Variants in MAP3K5 observed in about 807,000 individuals in gnomAD.
The protein encoded by MAP3K5 is ASK-1.
In MAP3K5, 56 loss-of-function variants were observed where a neutral mutation model predicts 158.7. The observed-to-expected ratio is 0.35, with a 90% CI of 0.28 to 0.44. The LOEUF (loss-of-function observed/expected upper bound fraction) is 0.44. Ranked by LOEUF, MAP3K5 falls within the 20% of genes least tolerant of loss-of-function variation. MAP3K5 has a pLI of 1.00. For synonymous variants in MAP3K5, 579 were observed against 601.7 expected, an observed-to-expected ratio of 0.96 and a Z score of 0.55; for missense variants, 1,294 against 1,674.8, an observed-to-expected ratio of 0.77 and a Z score of 3.97.
chr6:136,664,328 G>A (rs1779135254), intron 8 of MAP3K5, among the ~76,000 whole-genome samples: 1 of 151,908 alleles, frequency 6.6e-6, no homozygotes, highest in Non-Finnish European at 1.5e-5. Context: ...CAAGCTCAGG[G>A]CTCCCACTGA....
At chr6:136,687,616 T>C (rs1301928776) in intron 7 of MAP3K5, among the ~76,000 whole-genome samples, 1 of 152,096 alleles carries the variant, frequency 6.6e-6, no homozygotes, top group Non-Finnish European at 1.5e-5. Flanking sequence ...GTGAAAGATA[T>C]GAACAGACAC....
At chr6:136,677,731 G>T (rs1005562541) in intron 7 of MAP3K5, among the ~76,000 whole-genome samples, 4 of 152,188 alleles carry the variant, frequency 2.6e-5, no homozygotes, top group African/African-American at 9.7e-5. Context: ...AACCAAGTCT[G>T]GTGTCAAGGG....
chr6:136,721,691 A>G (rs1781752721), intron 1 of MAP3K5, among the ~76,000 whole-genome samples: 1 of 152,206 alleles, frequency 6.6e-6, no homozygotes, highest in Non-Finnish European at 1.5e-5. Context: ...CTCCAAGTAC[A>G]TTAATTAAAA....
chr6:136,674,718 A>G lies in MAP3K5; in HGVS notation c.1254-5323T>C, dbSNP rs180927550. 2.1e-3 allele frequency among the ~76,000 whole-genome samples: 325 copies of G among 152,120 alleles called. 7 individuals are homozygous for G. The East Asian group carries it at 0.03, about 14-fold the overall frequency. On this transcript the variant is annotated intron_variant, in intron 7 of 29. Transcript: ENST00000359015. ...GCAAGTATATTCATTTTAAAAAGGC[A>G]CACTGTAAATACAAGTTGAGTAACC...
intron 1 of MAP3K5, among the ~76,000 whole-genome samples, chr6:136,771,125 C>G (rs571228653): frequency 2.8e-4 from 43 of 152,270 alleles, no homozygotes; most frequent in Admixed American, 3.9e-4. Context: ...GCTTAACCTA[C>G]AGCTCTGAGG....
rs992964125 is a variant in MAP3K5, at chr6:136,601,983, A to G, written c.2680-4T>C. 1 of 1,610,460 alleles carries G rather than the reference A, an allele frequency of 6.2e-7. No homozygotes were observed. Among genetic ancestry groups the G allele is most frequent in the Non-Finnish European group, 8.5e-7 (1 of 1,178,454 alleles). ...GGTGGACTTTAAACATTCCCACCTA[A>G]GACATAAATATAAAAAGTGCAATGT... On this transcript the variant is annotated splice_polypyrimidine_tract_variant and splice_region_variant and intron_variant, in intron 19 of 29. Transcript: ENST00000359015.
intron 14 of MAP3K5, among the ~76,000 whole-genome samples, chr6:136,632,877 CAT>C (rs1267951865): frequency 6.6e-6 from 1 of 152,080 alleles, no homozygotes; most frequent in Admixed American, 6.5e-5. Context: ...ATAATAATAA[CAT>C]ATTAAAATAC....
chr6:136,637,458 T>A, intron 13 of MAP3K5, 52 bp from the exon 14 acceptor site: 1 of 1,053,314 alleles, frequency 9.5e-7, no homozygotes, highest in Non-Finnish European at 1.5e-6. Flanking sequence ...ATAGTAAATA[T>A]AAGCAAGTAC....
Position 136,661,076 on chromosome 6 carries a change from T to G in MAP3K5, c.1367-1698A>C, listed in dbSNP as rs1021802776. The stretch of plus-strand genomic sequence containing the variant: ...TCCATATTAGTTGAGTTAAATAAAA[T>G]ATTTTCTATGTGTCTATTTTATATT... On this transcript the variant is annotated intron_variant, in intron 8 of 29. Transcript: ENST00000359015. Among the ~76,000 whole-genome samples the G allele has an allele frequency of 1.1e-4, 17 of 152,192 alleles. 1 individual carries two copies. The highest frequency in any genetic ancestry group is 2.2e-4 in the Non-Finnish European group (15 of 68,038).
rs1001593452 is a variant in MAP3K5, at chr6:136,697,165, C to G, written c.975+54G>C. 6.6e-6 allele frequency: 10 copies of G among 1,513,512 alleles called. No homozygotes were observed. In the East Asian group the frequency reaches 7.0e-5, roughly 11 times the overall value. The allele number at this position is 1,513,512 out of a possible 1,614,324, so 93.8% of individuals were successfully genotyped here. On this transcript the variant is annotated intron_variant, in intron 5 of 29. Coordinates refer to ENST00000359015, the MANE Select transcript of MAP3K5 (RefSeq NM_005923.4). ...AACTGAAATTTGAGGTTAATACTCC[C>G]TTATCCCTCCAACATGCTACACAAC...
At chr6:136,769,745 A>G (rs1376614915) in intron 1 of MAP3K5, among the ~76,000 whole-genome samples, 1 of 14,882 alleles carries the variant, frequency 6.7e-5, no homozygotes, top group Non-Finnish European at 1.2e-4. Context: ...GAAGGGAAGG[A>G]AGGAAGGAAG....
At chr6:136,561,471 C>G in intron 28 of MAP3K5, 62 bp downstream of exon 28, 1 of 1,232,842 alleles carries the variant, frequency 8.1e-7, no homozygotes, top group Non-Finnish European at 1.2e-6. Context: ...TGTCACATAG[C>G]AGGCACCCAA....
chr6:136,704,746 A>G (rs781305296), intron 3 of MAP3K5, among the ~76,000 whole-genome samples: 1 of 152,034 alleles, frequency 6.6e-6, no homozygotes, highest in Non-Finnish European at 1.5e-5. Context: ...GGGTTTCACC[A>G]TGTTGCCCAG....
At chr6:136,726,484 T>C (rs1781971309) in intron 1 of MAP3K5, among the ~76,000 whole-genome samples, 1 of 152,072 alleles carries the variant, frequency 6.6e-6, no homozygotes, top group Non-Finnish European at 1.5e-5. Context: ...TCCCAGCTAC[T>C]TGGGAGGCTG....
rs562056474 is a variant in MAP3K5 at position 136,618,948 on chromosome 6, G to A, written c.2150+3900C>T. ...GAAACAAATGGCTGGCTAAAAAGCC[G>A]GAGTTCCTAGTTCCTTGTAGGTAGG... On this transcript the variant is annotated intron_variant, in intron 15 of 29. Transcript: ENST00000359015. Among the ~76,000 whole-genome samples, 8 of 152,306 alleles carry A rather than the reference G, an allele frequency of 5.3e-5. No homozygotes were observed. The South Asian group carries it at 8.3e-4, about 16-fold the overall frequency.
intron 1 of MAP3K5, among the ~76,000 whole-genome samples, chr6:136,765,441 C>A (rs1018607511): frequency 6.6e-6 from 1 of 152,092 alleles, no homozygotes; most frequent in African/African-American, 2.4e-5. Flanking sequence ...GAACTACAGG[C>A]AAACACCACC....
At chr6:136,669,678 G>T (rs979682605) in intron 7 of MAP3K5, among the ~76,000 whole-genome samples, 1 of 152,070 alleles carries the variant, frequency 6.6e-6, no homozygotes, top group Non-Finnish European at 1.5e-5. Flanking sequence ...ATGTGAATGT[G>T]AAAATTTAGT....
chr6:136,737,211 T>C (rs1315332033), intron 1 of MAP3K5, among the ~76,000 whole-genome samples: 1 of 150,080 alleles, frequency 6.7e-6, no homozygotes, highest in African/African-American at 2.5e-5. Flanking sequence ...GACATAAAAA[T>C]AGGAATAGAC....
At chr6:136,620,940 G>A (rs1583285598) in intron 15 of MAP3K5, among the ~76,000 whole-genome samples, 1 of 152,138 alleles carries the variant, frequency 6.6e-6, no homozygotes, top group Non-Finnish European at 1.5e-5. Context: ...GAACATTTTT[G>A]TTCCTAAAAA....
Sources: allele counts gnomAD v4.1 joint callset (sites outside exome capture counted in the v4.1 genomes callset), GRCh38; gene constraint gnomAD v4.1.1; transcripts MANE v1.5; gene names NCBI Gene and HGNC (gene_info 2026-07-23, HGNC 2026-07-21).